The following IGFBP7 variants were observed in gnomAD, a reference collection of about 807,000 sequenced individuals.
IGFBP7 encodes the protein insulin like growth factor binding protein 7, also known as insulin-like growth factor-binding protein 7.
IGFBP7 carries 31 observed loss-of-function variants against 29.4 expected under a neutral mutation model. That is an observed-to-expected ratio of 1.05 (90% confidence interval 0.79 to 1.42). The LOEUF is 1.42. IGFBP7 is among the 40% of genes most tolerant of loss of function. The pLI, the probability that IGFBP7 is intolerant of heterozygous loss-of-function variation, is 0.00. For synonymous variants in IGFBP7, 172 were observed against 174.9 expected, an observed-to-expected ratio of 0.98 and a Z score of 0.13; for missense variants, 393 against 395.5, an observed-to-expected ratio of 0.99 and a Z score of 0.05.
chr4:57,072,066 G>A (rs1414200261), intron 1 of IGFBP7, among the ~76,000 whole-genome samples: 1 of 151,844 alleles, frequency 6.6e-6, no homozygotes, highest in East Asian at 1.9e-4. Context: ...GTGTCACGGG[G>A]GTCTGTTGTA....
intron 1 of IGFBP7, among the ~76,000 whole-genome samples, chr4:57,041,554 G>T (rs1724226834): frequency 6.6e-6 from 1 of 151,970 alleles, no homozygotes; most frequent in East Asian, 1.9e-4. Context: ...TTATTTTTTT[G>T]ATACAGAATC....
rs10716496 is a variant in IGFBP7, at chr4:57,039,643, C to CTTTTTT, written c.585+1175_585+1180dup. On this transcript the variant is annotated intron_variant, in intron 2 of 4. Coordinates refer to ENST00000295666, the MANE Select transcript of IGFBP7 (RefSeq NM_001553.3). ...CCACCCTGGCTAAGGAATTCACACT[C>CTTTTTT]TTTTTTTTTTTTTTTTTTTTGAGAC... 2.3e-5 allele frequency among the ~76,000 whole-genome samples: 3 copies of CTTTTTT among 128,672 alleles called. No individual in the cohort carries two copies. In the Admixed American group the frequency reaches 2.4e-4, roughly 10 times the overall value. 84.4% of individuals were successfully genotyped at this position (128,672 alleles called of 152,430 possible).
chr4:57,072,650 G>GGTA, intron 1 of IGFBP7: 1 of 151,920 alleles, frequency 6.6e-6, no homozygotes, highest in South Asian at 3.7e-5. Context: ...CTGCTGCCTA[G>GGTA]CCACCACCAG....
Position 57,048,829 on chromosome 4 carries a change from A to G in IGFBP7, c.476-7896T>C, listed in dbSNP as rs571582864. On this transcript the variant is annotated intron_variant, in intron 1 of 4. Coordinates refer to ENST00000295666, the MANE Select transcript of IGFBP7 (RefSeq NM_001553.3). ...ACAAAAGCATTCTTGGGGACAGAAC[A>G]CTTGGCTCTGAATCCTTGTCTACAA... Among the ~76,000 whole-genome samples, 5 of 152,350 alleles carry G rather than the reference A, an allele frequency of 3.3e-5. No homozygotes were observed. In the East Asian group the frequency reaches 9.6e-4, roughly 29 times the overall value.
chr4:57,055,830 C>A (rs1421487439), intron 1 of IGFBP7, among the ~76,000 whole-genome samples: 2 of 152,104 alleles, frequency 1.3e-5, no homozygotes, highest in Non-Finnish European at 2.9e-5. Flanking sequence ...TTGCTCATTT[C>A]TGGTCCGATT....
chr4:57,054,933 C>T (rs1718873), intron 1 of IGFBP7, among the ~76,000 whole-genome samples: 1 of 151,824 alleles, frequency 6.6e-6, no homozygotes. Flanking sequence ...GAACCAGACA[C>T]GTGTTTAGCA....
chr4:57,058,700 T>C (rs1455685886), intron 1 of IGFBP7, among the ~76,000 whole-genome samples: 1 of 152,186 alleles, frequency 6.6e-6, no homozygotes, highest in African/African-American at 2.4e-5. Flanking sequence ...AAATATTTCA[T>C]GACAAAGACA....
chr4:57,054,480 A>T (rs1215616783), intron 1 of IGFBP7, among the ~76,000 whole-genome samples: 5 of 151,862 alleles, frequency 3.3e-5, no homozygotes, highest in Non-Finnish European at 5.9e-5. Context: ...TAAAAATACA[A>T]AAAATTAGTC....
chr4:57,055,398 G>C (rs888162693), intron 1 of IGFBP7, among the ~76,000 whole-genome samples: 2 of 152,202 alleles, frequency 1.3e-5, no homozygotes, highest in Non-Finnish European at 2.9e-5. Flanking sequence ...TTTTTGAGTA[G>C]GAGATACTCA....
chr4:57,035,543 C>T (rs551465615), intron 2 of IGFBP7, among the ~76,000 whole-genome samples: 2 of 152,296 alleles, frequency 1.3e-5, no homozygotes, highest in African/African-American at 4.8e-5. Context: ...CAACCTCTGC[C>T]TCCGCCTCCG....
chr4:57,054,083 C>G (rs1178196905), intron 1 of IGFBP7, among the ~76,000 whole-genome samples: 2 of 152,058 alleles, frequency 1.3e-5, no homozygotes, highest in Admixed American at 1.3e-4. Flanking sequence ...AGTCCAAGCT[C>G]AAGCCATCCT....
intron 1 of IGFBP7, among the ~76,000 whole-genome samples, chr4:57,084,531 G>A (rs1578641779): frequency 6.6e-6 from 1 of 152,160 alleles, no homozygotes; most frequent in South Asian, 2.1e-4. Context: ...TCTTTAAGAT[G>A]CAATCATTCC....
chr4:57,092,562 T>A (rs1170283421), intron 1 of IGFBP7, among the ~76,000 whole-genome samples: 2 of 152,072 alleles, frequency 1.3e-5, no homozygotes, highest in Admixed American at 1.3e-4. Flanking sequence ...TCTATTGTAT[T>A]ATTGAAATGT....
chr4:57,072,642 G>T, intron 1 of IGFBP7: 1 of 111,146 alleles, frequency 9.0e-6, no homozygotes, highest in Non-Finnish European at 1.7e-5. Context: ...CAGCGTTGCT[G>T]CTGCCTAGCC....
intron 1 of IGFBP7, among the ~76,000 whole-genome samples, chr4:57,056,084 G>T (rs1465979343): frequency 6.6e-6 from 1 of 151,978 alleles, no homozygotes; most frequent in Non-Finnish European, 1.5e-5. Context: ...TTAGCCAGCC[G>T]CGCATAACTG....
intron 1 of IGFBP7, among the ~76,000 whole-genome samples, chr4:57,101,687 C>A (rs935206174): frequency 2.0e-5 from 3 of 148,706 alleles, no homozygotes; most frequent in African/African-American, 4.9e-5. Flanking sequence ...GTAAACGTTT[C>A]CCCCCCTCCC....
chr4:57,032,190 C>T (rs1723948227), intron 4 of IGFBP7: 2 of 1,093,220 alleles, frequency 1.8e-6, no homozygotes, highest in Admixed American at 7.4e-5. Flanking sequence ...GATTTTGACT[C>T]TTACATGTTA....
intron 1 of IGFBP7, among the ~76,000 whole-genome samples, chr4:57,071,797 C>T (rs1045989430): frequency 3.9e-5 from 6 of 152,082 alleles, no homozygotes; most frequent in African/African-American, 1.4e-4. Context: ...ACAGCTTTTT[C>T]TCTGAGGATT....
intron 1 of IGFBP7, among the ~76,000 whole-genome samples, chr4:57,053,812 C>T (rs1425854861): frequency 7.1e-6 from 1 of 141,554 alleles, no homozygotes; most frequent in Non-Finnish European, 1.5e-5. Context: ...ATTTTTTCCA[C>T]ATCTCATGGG....
Sources: allele counts gnomAD v4.1 joint callset (sites outside exome capture counted in the v4.1 genomes callset), GRCh38; gene constraint gnomAD v4.1.1; transcripts MANE v1.5; gene names NCBI Gene and HGNC (gene_info 2026-07-23, HGNC 2026-07-21).